Variants in PDE10A observed in about 807,000 individuals in gnomAD.
PDE10A encodes cAMP and cAMP-inhibited cGMP 3',5'-cyclic phosphodiesterase 10A.
Under a neutral mutation model 97.7 loss-of-function variants are expected in PDE10A, and 39 were observed. The ratio of observed to expected loss-of-function variants is 0.40; its 90% confidence interval spans 0.31 to 0.52. PDE10A has a LOEUF of 0.52. Among genes scored for constraint, PDE10A ranks in the 20% least tolerant of loss-of-function variants. The pLI, the probability that PDE10A is intolerant of heterozygous loss-of-function variation, is 0.56. For synonymous variants in PDE10A, 371 were observed against 376.8 expected, an observed-to-expected ratio of 0.98 and a Z score of 0.18; for missense variants, 731 against 1,047.8, an observed-to-expected ratio of 0.70 and a Z score of 4.17.
chr6:165,859,603 G>C (rs962343442), intron 1 of PDE10A, among the ~76,000 whole-genome samples: 5 of 152,220 alleles, frequency 3.3e-5, no homozygotes, highest in African/African-American at 1.2e-4. Flanking sequence ...ACCAGGAGCT[G>C]CCACATGTTC....
intron 1 of PDE10A, among the ~76,000 whole-genome samples, chr6:165,746,519 G>A (rs1792847201): frequency 6.6e-6 from 1 of 152,230 alleles, no homozygotes; most frequent in African/African-American, 2.4e-5. Flanking sequence ...GCTTTTCCCA[G>A]AGATACAAAT....
chr6:165,858,560 T>C (rs1780813638), intron 1 of PDE10A, among the ~76,000 whole-genome samples: 1 of 152,116 alleles, frequency 6.6e-6, no homozygotes, highest in Non-Finnish European at 1.5e-5. Flanking sequence ...TCTCTCAGGA[T>C]TGCCCCCGAG....
At chr6:165,749,293 T>TGAC (rs1792925612) in intron 1 of PDE10A, among the ~76,000 whole-genome samples, 2 of 58,708 alleles carry the variant, frequency 3.4e-5, no homozygotes, top group African/African-American at 6.7e-5. Context: ...ATCATCACCA[T>TGAC]CACCATCATC....
At chr6:165,575,377 G>A (rs903501643) in intron 1 of PDE10A, among the ~76,000 whole-genome samples, 2 of 152,136 alleles carry the variant, frequency 1.3e-5, no homozygotes, top group African/African-American at 4.8e-5. Flanking sequence ...ACCCTGACAC[G>A]TGACCTAGCC....
chr6:165,695,750 A>G (rs2128442722), intron 1 of PDE10A, among the ~76,000 whole-genome samples: 1 of 152,338 alleles, frequency 6.6e-6, no homozygotes, highest in East Asian at 1.9e-4. Flanking sequence ...CATCTACTGT[A>G]AAGACAGCCT....
At chr6:165,916,465 T>C (rs1282969700) in intron 1 of PDE10A, among the ~76,000 whole-genome samples, 1 of 152,202 alleles carries the variant, frequency 6.6e-6, no homozygotes, top group Admixed American at 6.5e-5. Context: ...GTTTGTCATA[T>C]CGTAAATGAA....
intron 17 of PDE10A, 96 bp from the exon 18 acceptor site, chr6:165,379,462 A>T: frequency 1.1e-6 from 1 of 898,924 alleles, no homozygotes; most frequent in South Asian, 1.9e-5. Flanking sequence ...TCAGTCAATG[A>T]CATCTGGCAC....
intron 3 of PDE10A, among the ~76,000 whole-genome samples, chr6:165,471,743 AACCCAAGCATTTTCCCCT>A (rs1779023038): frequency 6.6e-6 from 1 of 152,080 alleles, no homozygotes; most frequent in South Asian, 2.1e-4. Context: ...AATTCTATCA[AACCCAAGCATTTTCCCCT>A]ACCTCCATTA....
rs150008885 is a variant in PDE10A at position 165,947,821 on chromosome 6, G to T, written c.-615+39708C>A. Reference sequence around the variant, plus strand: ...CGTATGGGTTTTTGGCTGCTTCCTTGCTTCCTGACACAGCAAGACATCACT... The same window carrying T: ...CGTATGGGTTTTTGGCTGCTTCCTTTCTTCCTGACACAGCAAGACATCACT... On this transcript the variant is annotated intron_variant, in intron 1 of 19. Transcript: ENST00000366882. Among the ~76,000 whole-genome samples the T allele has an allele frequency of 6.0e-3, 915 of 152,158 alleles. 9 individuals are homozygous for T. Among genetic ancestry groups the T allele is most frequent in the African/African-American group, 0.019 (809 of 41,506 alleles).
At chr6:165,642,723 C>G (rs911993579) in intron 1 of PDE10A, among the ~76,000 whole-genome samples, 1 of 152,294 alleles carries the variant, frequency 6.6e-6, no homozygotes, top group Middle Eastern at 3.4e-3. Context: ...GGTGGGTGAA[C>G]GCTACACAGC....
At chr6:165,593,440 G>A (rs560756981) in intron 1 of PDE10A, among the ~76,000 whole-genome samples, 7 of 152,086 alleles carry the variant, frequency 4.6e-5, no homozygotes, top group South Asian at 2.1e-4. Flanking sequence ...GAACTTAAAA[G>A]TATAATGGGA....
intron 3 of PDE10A, among the ~76,000 whole-genome samples, chr6:165,471,461 T>C (rs1035920211): frequency 2.6e-5 from 4 of 152,134 alleles, no homozygotes; most frequent in South Asian, 2.1e-4. Flanking sequence ...TCCAGTCTCA[T>C]ATATACAACT....
intron 1 of PDE10A, among the ~76,000 whole-genome samples, chr6:165,700,535 C>T (rs932574322): frequency 1.3e-5 from 2 of 152,158 alleles, no homozygotes; most frequent in South Asian, 2.1e-4. Context: ...GACAGTAGCA[C>T]CTATGTCGTG....
At chr6:165,594,271 G>T (rs1786452391) in intron 1 of PDE10A, among the ~76,000 whole-genome samples, 2 of 152,188 alleles carry the variant, frequency 1.3e-5, no homozygotes, top group African/African-American at 2.4e-5. Flanking sequence ...TAAGGGAAAT[G>T]TTGTGCCAAG....
At chr6:165,516,008 A>G (rs1781782941) in intron 2 of PDE10A, among the ~76,000 whole-genome samples, 1 of 152,230 alleles carries the variant, frequency 6.6e-6, no homozygotes, top group South Asian at 2.1e-4. Context: ...GAAACTGTAA[A>G]TAAGAAATAA....
At chr6:165,801,522 G>T (rs901495467) in intron 1 of PDE10A, among the ~76,000 whole-genome samples, 1 of 152,204 alleles carries the variant, frequency 6.6e-6, no homozygotes, top group Non-Finnish European at 1.5e-5. Flanking sequence ...TCCAGCCTGG[G>T]TGACAGCATG....
At chr6:165,855,607 A>G (rs1780710102) in intron 1 of PDE10A, among the ~76,000 whole-genome samples, 1 of 145,322 alleles carries the variant, frequency 6.9e-6, no homozygotes, top group African/African-American at 2.5e-5. Flanking sequence ...ACAGAAACCA[A>G]GAATAACCAC....
At chr6:165,748,807 T>TG (rs1792900353) in intron 1 of PDE10A, among the ~76,000 whole-genome samples, 2 of 135,134 alleles carry the variant, frequency 1.5e-5, no homozygotes, top group Admixed American at 7.0e-5. Context: ...TAGAAAGAAG[T>TG]TTGTGTGTGT....
chr6:165,561,481 A>G (rs572151983), intron 1 of PDE10A, among the ~76,000 whole-genome samples: 104 of 152,348 alleles, frequency 6.8e-4, no homozygotes, highest in African/African-American at 2.5e-3. Context: ...GAACTGTAAA[A>G]TCATGTAAGC....
Sources: gnomAD v4.1 joint callset for allele counts (sites outside exome capture counted in the v4.1 genomes callset) on GRCh38, gnomAD v4.1.1 for gene constraint, MANE v1.5 for transcripts, NCBI Gene and HGNC (gene_info 2026-07-23, HGNC 2026-07-21) for gene names.